The following CSGALNACT1 variants were observed in gnomAD, a reference collection of about 807,000 sequenced individuals.
CSGALNACT1 encodes the protein beta4GalNAcT-1.
Under a neutral mutation model 51.0 loss-of-function variants are expected in CSGALNACT1, and 52 were observed. That is an observed-to-expected ratio of 1.02 (90% confidence interval 0.82 to 1.29). CSGALNACT1 has a LOEUF of 1.29. Ranked by LOEUF, CSGALNACT1 falls within the 50% of genes most tolerant of loss-of-function variation. CSGALNACT1 has a pLI of 0.00. For missense variants in CSGALNACT1, 935 were observed against 679.2 expected (o/e 1.38, Z -4.19); for synonymous variants, 341 against 254.4 (o/e 1.34, Z -3.24).
At chr8:19,747,324 C>A (rs2064740074) in intron 1 of CSGALNACT1, among the ~76,000 whole-genome samples, 1 of 152,076 alleles carries the variant, frequency 6.6e-6, no homozygotes, top group African/African-American at 2.4e-5. Flanking sequence ...GATACTGGTT[C>A]TACATACAGG....
At chr8:19,734,176 A>G (rs1295001043) in intron 1 of CSGALNACT1, among the ~76,000 whole-genome samples, 4 of 152,292 alleles carry the variant, frequency 2.6e-5, no homozygotes, top group African/African-American at 9.6e-5. Context: ...AAAATTTCAA[A>G]GTATCAGCCT....
chr8:19,508,062 C>T (rs1410346776), intron 3 of CSGALNACT1, among the ~76,000 whole-genome samples: 1 of 152,320 alleles, frequency 6.6e-6, no homozygotes, highest in Non-Finnish European at 1.5e-5. Flanking sequence ...ATAGTCTTCA[C>T]CCGACTCAGA....
chr8:19,584,426 G>C (rs561458978), intron 3 of CSGALNACT1, among the ~76,000 whole-genome samples: 56 of 152,304 alleles, frequency 3.7e-4, no homozygotes, highest in African/African-American at 1.3e-3. Flanking sequence ...ACTTAGCTTG[G>C]AATTTGAATT....
At chr8:19,482,165 G>C (rs2071579141) in intron 4 of CSGALNACT1, among the ~76,000 whole-genome samples, 2 of 152,166 alleles carry the variant, frequency 1.3e-5, no homozygotes, top group Non-Finnish European at 2.9e-5. Flanking sequence ...ACCTAGATCA[G>C]CGCTGGGAAA....
exon 7 of CSGALNACT1, chr8:19,420,514 C>A: frequency 6.2e-7 from 1 of 1,613,870 alleles, no homozygotes; most frequent in Non-Finnish European, 8.5e-7. Flanking sequence ...CTGAAGTTGG[C>A]AGCTCTGAAA....
At chr8:19,722,700 A>C (rs1408756542) in intron 1 of CSGALNACT1, among the ~76,000 whole-genome samples, 1 of 152,034 alleles carries the variant, frequency 6.6e-6, no homozygotes, top group East Asian at 1.9e-4. Flanking sequence ...CTGGCCTTGC[A>C]CTCTCACCGA....
intron 1 of CSGALNACT1, among the ~76,000 whole-genome samples, chr8:19,701,133 T>A (rs1020875688): frequency 6.9e-6 from 1 of 144,866 alleles, no homozygotes; most frequent in Non-Finnish European, 1.5e-5. Context: ...ACCAAGAAAA[T>A]TTCAGTTCAT....
chr8:19,475,662 A>T (rs4921649), intron 4 of CSGALNACT1, among the ~76,000 whole-genome samples: 76 of 152,130 alleles, frequency 5.0e-4, no homozygotes, highest in Non-Finnish European at 8.7e-4. Flanking sequence ...AAAAGCACAC[A>T]AGCAAACAAC....
chr8:19,746,484 C>A (rs1397524657), intron 1 of CSGALNACT1, among the ~76,000 whole-genome samples: 1 of 152,198 alleles, frequency 6.6e-6, no homozygotes, highest in Non-Finnish European at 1.5e-5. Flanking sequence ...ATCATTCATT[C>A]CACTAAGTAG....
chr8:19,520,764 T>G (rs940706297), intron 3 of CSGALNACT1, among the ~76,000 whole-genome samples: 4 of 152,214 alleles, frequency 2.6e-5, no homozygotes, highest in Non-Finnish European at 5.9e-5. Context: ...GCTATCTCCA[T>G]CTTCCTTTTA....
At chr8:19,716,612 CAAAA>C (rs60464594) in intron 1 of CSGALNACT1, among the ~76,000 whole-genome samples, 510 of 41,930 alleles carry the variant, frequency 0.012, 2 homozygotes, top group Non-Finnish European at 0.016. Context: ...ACCCTCTCTA[CAAAA>C]AAAAAAAAAA....
intron 1 of CSGALNACT1, among the ~76,000 whole-genome samples, chr8:19,659,835 CA>C (rs1169723296): frequency 6.6e-6 from 1 of 152,220 alleles, no homozygotes; most frequent in Admixed American, 6.5e-5. Flanking sequence ...GTGCATCTCC[CA>C]GGGGAGATCG....
intron 3 of CSGALNACT1, among the ~76,000 whole-genome samples, chr8:19,545,608 T>C (rs552399914): frequency 6.6e-6 from 1 of 152,006 alleles, no homozygotes; most frequent in East Asian, 1.9e-4. Context: ...TCAATAAATG[T>C]CTCTGGGTCA....
chr8:19,727,800 C>T (rs186225413), intron 1 of CSGALNACT1, among the ~76,000 whole-genome samples: 65 of 152,288 alleles, frequency 4.3e-4, no homozygotes, highest in African/African-American at 1.6e-3. Context: ...CCAAGGTGGG[C>T]CTCAGTTGTC....
At chr8:19,482,348 C>T (rs189162923) in intron 4 of CSGALNACT1, among the ~76,000 whole-genome samples, 10 of 152,112 alleles carry the variant, frequency 6.6e-5, no homozygotes, top group Non-Finnish European at 7.3e-5. Flanking sequence ...TGGACAGTGC[C>T]GTTTTAGGCT....
At position 19,505,840 on chromosome 8, in the gene CSGALNACT1, A is replaced by C. The variant is rs1312603357; in HGVS notation, c.-6T>G. 18 of 1,609,152 alleles carry C rather than the reference A, an allele frequency of 1.1e-5. No homozygotes were observed. The highest frequency in any genetic ancestry group is 1.5e-5 in the Non-Finnish European group (18 of 1,179,996). On this transcript the variant is annotated 5_prime_UTR_variant, in exon 4 of 10. The change creates a new upstream start codon in the 5' untranslated region. Transcript: ENST00000454498. Reference sequence around the variant, plus strand: ...CCCCGGCGAACCATCATCATTCAGGAATCAGCCATGCGTCCAGAACCGGTG... The same window carrying C: ...CCCCGGCGAACCATCATCATTCAGGCATCAGCCATGCGTCCAGAACCGGTG...
rs1167446254 is a variant in CSGALNACT1, at chr8:19,612,962, A to G, written c.-543-11097T>C. ...AAGCAGCTGGAAAAAAAAAAAAAAA[A>G]AAAAAAAAAAAAAAAAAAGCACAGC... On this transcript the variant is annotated intron_variant, in intron 1 of 9. Coordinates refer to the CSGALNACT1 transcript ENST00000332246. Among the ~76,000 whole-genome samples the G allele has an allele frequency of 8.1e-4, 114 of 141,018 alleles. 2 individuals are homozygous for G. Among genetic ancestry groups the G allele is most frequent in the African/African-American group, 3.1e-3 (110 of 35,556 alleles). 92.5% of individuals were successfully genotyped at this position (141,018 alleles called of 152,430 possible). A position where few individuals can be genotyped will look rare whatever the true frequency, so the allele number is the denominator to read the frequency against.
chr8:19,653,584 A>G (rs948842751), intron 1 of CSGALNACT1, among the ~76,000 whole-genome samples: 11 of 152,122 alleles, frequency 7.2e-5, no homozygotes, highest in Non-Finnish European at 1.5e-4. Context: ...ACTTGACCCC[A>G]GGAGTTAGAG....
intron 3 of CSGALNACT1, among the ~76,000 whole-genome samples, chr8:19,515,789 G>A (rs1425447886): frequency 1.3e-5 from 2 of 152,092 alleles, no homozygotes; most frequent in Non-Finnish European, 2.9e-5. Context: ...GGGGCTTCCT[G>A]TCTATGCCAG....
Sources: gnomAD v4.1 joint callset for allele counts (sites outside exome capture counted in the v4.1 genomes callset) on GRCh38, gnomAD v4.1.1 for gene constraint, MANE v1.5 for transcripts, NCBI Gene and HGNC (gene_info 2026-07-23, HGNC 2026-07-21) for gene names.